BCAT1: variants seen among roughly 807,000 people sequenced by gnomAD.
BCAT1 encodes branched-chain-amino-acid aminotransferase, cytosolic.
A neutral mutation model predicts 52.4 loss-of-function variants in BCAT1; 48 were observed. That is an observed-to-expected ratio of 0.92 (90% CI 0.73 to 1.16). BCAT1 has a LOEUF of 1.16. Ranked by LOEUF, BCAT1 falls within the 50% of genes most tolerant of loss-of-function variation. The pLI, the probability that BCAT1 is intolerant of heterozygous loss-of-function variation, is 0.00. For missense variants in BCAT1, 451 were observed against 457.1 expected (o/e 0.99, Z 0.12); for synonymous variants, 167 against 161.3 (o/e 1.04, Z -0.27).
intron 1 of BCAT1, among the ~76,000 whole-genome samples, chr12:24,936,346 C>A (rs1477382584): frequency 1.3e-5 from 2 of 152,202 alleles, no homozygotes; most frequent in Non-Finnish European, 2.9e-5. Context: ...GATTCTCCTG[C>A]CCCAGCTTCC....
intron 5 of BCAT1, among the ~76,000 whole-genome samples, chr12:24,876,735 T>C (rs1229253899): frequency 6.6e-6 from 1 of 152,120 alleles, no homozygotes; most frequent in Non-Finnish European, 1.5e-5. Context: ...TGTTCTCTTA[T>C]AAGTGGGAGC....
chr12:24,871,886 C>T (rs564554778), intron 5 of BCAT1, among the ~76,000 whole-genome samples: 7 of 152,144 alleles, frequency 4.6e-5, no homozygotes, highest in Admixed American at 3.3e-4. Flanking sequence ...ACACTAAAAA[C>T]GGAGCTGTTA....
At chr12:24,826,178 C>T (rs1317933846) in intron 10 of BCAT1, among the ~76,000 whole-genome samples, 1 of 152,196 alleles carries the variant, frequency 6.6e-6, no homozygotes, top group Non-Finnish European at 1.5e-5. Context: ...TGCCACTACA[C>T]TCCAGCCTGA....
In BCAT1 at chr12:24,894,288, T is replaced by G. The variant is rs1261273105; in HGVS notation, c.266A>C (p.His89Pro). The change falls in exon 3 of 11, where the codon CAC becomes CCC. Residue 89 changes from histidine (H) to proline (P), a missense_variant. Coordinates refer to ENST00000261192, the MANE Select transcript of BCAT1 (RefSeq NM_005504.7). ...LSLHPGSSAL[H>P]YAVELFEGLK... ...CCATGTACTTACTTCCACTGCATAG[T>G]GCAAAGCTGATGAGCCAGGGTGCAA... The G allele has an allele frequency of 1.9e-6, 3 of 1,613,940 alleles. No individual in the cohort carries two copies.
At chr12:24,903,131 G>T (rs11047699) in intron 1 of BCAT1, 70,812 of 1,316,660 alleles carry the variant, frequency 0.054, 2,148 homozygotes, top group Non-Finnish European at 0.058. Context: ...GCGCGCCAGG[G>T]CCAGGCGCAG....
chr12:24,907,126 T>C (rs1241293273), intron 1 of BCAT1, among the ~76,000 whole-genome samples: 1 of 152,170 alleles, frequency 6.6e-6, no homozygotes, highest in African/African-American at 2.4e-5. Context: ...CCCACACATT[T>C]AATTTATTTC....
chr12:24,840,177 T>C (rs545436174), intron 7 of BCAT1, among the ~76,000 whole-genome samples: 1 of 152,374 alleles, frequency 6.6e-6, no homozygotes, highest in South Asian at 2.1e-4. Context: ...AGAACAATTT[T>C]CCACCAGGAC....
chr12:24,840,081 G>C (rs1453315790), intron 7 of BCAT1, among the ~76,000 whole-genome samples: 1 of 152,166 alleles, frequency 6.6e-6, no homozygotes, highest in Non-Finnish European at 1.5e-5. Flanking sequence ...TGTATATTTT[G>C]CAAGAGGCAG....
chr12:24,906,793 A>G (rs915231538), intron 1 of BCAT1, among the ~76,000 whole-genome samples: 6 of 152,170 alleles, frequency 3.9e-5, no homozygotes, highest in South Asian at 2.1e-4. Flanking sequence ...AGTGATGATC[A>G]CCAATGTCTA....
intron 1 of BCAT1, among the ~76,000 whole-genome samples, chr12:24,944,726 G>C (rs1416108900): frequency 6.6e-6 from 1 of 152,188 alleles, no homozygotes; most frequent in Non-Finnish European, 1.5e-5. Context: ...GTTCTTTTTA[G>C]ATTAAAGACT....
chr12:24,859,728 G>C (rs374011154), intron 5 of BCAT1, among the ~76,000 whole-genome samples: 2 of 151,690 alleles, frequency 1.3e-5, no homozygotes, highest in Non-Finnish European at 2.9e-5. Flanking sequence ...ATAATATCAA[G>C]TGTTTTAAAT....
At chr12:24,878,715 T>C in intron 4 of BCAT1, 66 bp from the exon 5 acceptor site, 1 of 1,419,602 alleles carries the variant, frequency 7.0e-7, no homozygotes, top group South Asian at 1.4e-5. Flanking sequence ...TAAATGATCC[T>C]CACTGAAGCA....
chr12:24,836,432 A>C, intron 8 of BCAT1, 79 bp downstream of exon 8: 1 of 1,234,236 alleles, frequency 8.1e-7, no homozygotes, highest in Admixed American at 2.1e-5. Context: ...ACAGGATATT[A>C]TTTCAACACT....
intron 3 of BCAT1, among the ~76,000 whole-genome samples, chr12:24,882,168 C>T (rs1942524370): frequency 1.3e-5 from 2 of 152,212 alleles, no homozygotes; most frequent in Admixed American, 6.5e-5. Context: ...ACAGAGAACT[C>T]TTACACAGAC....
At chr12:24,919,571 G>C (rs1435375110) in intron 1 of BCAT1, among the ~76,000 whole-genome samples, 1 of 152,140 alleles carries the variant, frequency 6.6e-6, no homozygotes, top group Non-Finnish European at 1.5e-5. Flanking sequence ...AATATGTCAT[G>C]GTTATTTGTT....
intron 5 of BCAT1, among the ~76,000 whole-genome samples, chr12:24,867,162 C>G (rs1239508178): frequency 6.6e-6 from 1 of 152,008 alleles, no homozygotes; most frequent in Non-Finnish European, 1.5e-5. Context: ...ACGAACCTAC[C>G]AGAAGGAAGA....
intron 1 of BCAT1, among the ~76,000 whole-genome samples, chr12:24,936,298 T>C (rs11613482): frequency 0.3 from 46,313 of 152,206 alleles, 8,246 homozygotes; most frequent in Middle Eastern, 0.52. Flanking sequence ...AGTGGCACAA[T>C]CTTAGCTTAC....
chr12:24,844,717 G>A (rs1420274857), intron 6 of BCAT1, among the ~76,000 whole-genome samples: 1 of 151,120 alleles, frequency 6.6e-6, no homozygotes, highest in Non-Finnish European at 1.5e-5. Context: ...CTAACACGGT[G>A]AAACCTCGTC....
chr12:24,822,757 A>G (rs757069822), intron 10 of BCAT1, among the ~76,000 whole-genome samples: 1 of 152,172 alleles, frequency 6.6e-6, no homozygotes, highest in Non-Finnish European at 1.5e-5. Flanking sequence ...CACTGTTTCC[A>G]CCTGTCCTGT....
Sources: gnomAD v4.1 joint callset for allele counts (sites outside exome capture counted in the v4.1 genomes callset) on GRCh38, gnomAD v4.1.1 for gene constraint, MANE v1.5 for transcripts, NCBI Gene and HGNC (gene_info 2026-07-23, HGNC 2026-07-21) for gene names.